Variants in OBP2B observed in about 807,000 individuals in gnomAD.
The protein encoded by OBP2B is odorant binding protein 2B, also known as odorant-binding protein 2b.
Under a neutral mutation model 21.7 loss-of-function variants are expected in OBP2B, and 10 were observed. The observed-to-expected ratio is 0.46, with a 90% CI of 0.28 to 0.78. The LOEUF (loss-of-function observed/expected upper bound fraction) is 0.78. OBP2B is among the 30% of genes least tolerant of loss of function. The probability of loss-of-function intolerance (pLI) is 0.11; values close to 1 mark genes in which losing one functional copy is unlikely to be tolerated. For missense variants in OBP2B, 153 were observed against 217.7 expected (o/e 0.70, Z 1.87); for synonymous variants, 73 against 91.5 (o/e 0.80, Z 1.16).
chr9:133,208,941 C>T (rs1352568061), intron 1 of OBP2B, among the ~76,000 whole-genome samples, 187 bp downstream of exon 1: 2 of 152,024 alleles, frequency 1.3e-5, no homozygotes, highest in Non-Finnish European at 2.9e-5. Context: ...GAGCCTGCTC[C>T]GGCCCTGGGC....
At chr9:133,210,244 C>G (rs1471637977), upstream of OBP2B, among the ~76,000 whole-genome samples, 1 of 152,174 alleles carries the variant, frequency 6.6e-6, no homozygotes, top group African/African-American at 2.4e-5. Flanking sequence ...TTCCCTGGGA[C>G]CCAAGGCTGA....
chr9:133,215,001 CTG>C, the OBP2B span, among the ~76,000 whole-genome samples: 1 of 152,154 alleles, frequency 6.6e-6, no homozygotes, highest in African/African-American at 2.4e-5. Context: ...ATGATTGTCT[CTG>C]TAGAAAATCC....
intron 4 of OBP2B, 41 bp from the exon 5 acceptor site, chr9:133,206,457 G>T (rs748048789): frequency 4.6e-5 from 74 of 1,608,738 alleles, no homozygotes; most frequent in Non-Finnish European, 5.9e-5. Flanking sequence ...TGGGGACAGC[G>T]GCACGGCCCT....
At chr9:133,217,592 A>G in the OBP2B span, among the ~76,000 whole-genome samples, 1 of 152,192 alleles carries the variant, frequency 6.6e-6, no homozygotes, top group African/African-American at 2.4e-5. Context: ...ATGGCTTCCT[A>G]TTGAGATTCA....
chr9:133,206,181 G>A (rs1322030306), intron 5 of OBP2B, 134 bp downstream of exon 5: 123 of 1,169,478 alleles, frequency 1.1e-4, no homozygotes, highest in Non-Finnish European at 1.5e-4. Context: ...AACAGGGCCC[G>A]GGAGCCCCTG....
chr9:133,223,191 GC>G, the OBP2B span, among the ~76,000 whole-genome samples: 4 of 152,216 alleles, frequency 2.6e-5, no homozygotes. This position sits in a 1 kb window ranked among gnomAD's most constrained non-coding sequence, Gnocchi z 4.4. Context: ...CGCCAGGATG[GC>G]CCCACATAAC....
At chr9:133,221,649 A>G in the OBP2B span, among the ~76,000 whole-genome samples, 1 of 152,332 alleles carries the variant, frequency 6.6e-6, no homozygotes, top group Admixed American at 6.5e-5. Context: ...AGCTTCAGTA[A>G]CAGGCAAGAC....
the OBP2B span, among the ~76,000 whole-genome samples, chr9:133,219,689 T>G: frequency 6.6e-6 from 1 of 152,154 alleles, no homozygotes; most frequent in East Asian, 1.9e-4. Context: ...GCACAGCTGC[T>G]CAGAAAAACA....
At chr9:133,221,902 T>C in the OBP2B span, among the ~76,000 whole-genome samples, 59 of 151,646 alleles carry the variant, frequency 3.9e-4, no homozygotes, top group Middle Eastern at 0.02. Flanking sequence ...CTCCCCAATC[T>C]CCCTGAACCT....
chr9:133,205,977 G>A lies in OBP2B; in HGVS notation c.491-37C>T, dbSNP rs781905190. The stretch of plus-strand genomic sequence containing the variant: ...AAGAAAAACCCAGGGATTAGAAGGC[G>A]CCCTAGACCAGGGCCCAGACCCCAT... On this transcript the variant is annotated intron_variant, in intron 5 of 6. Coordinates refer to ENST00000372034, the MANE Select transcript of OBP2B (RefSeq NM_014581.4). 30 of 1,546,210 alleles carry A rather than the reference G, an allele frequency of 1.9e-5. No individual in the cohort carries two copies. In the Middle Eastern group the frequency reaches 5.0e-4, roughly 26 times the overall value.
chr9:133,215,976 C>T, the OBP2B span, among the ~76,000 whole-genome samples: 12 of 152,234 alleles, frequency 7.9e-5, no homozygotes, highest in Non-Finnish European at 1.3e-4. Context: ...AAACTTAAAA[C>T]TATAAAAGCT....
At chr9:133,214,773 A>G in the OBP2B span, among the ~76,000 whole-genome samples, 1 of 152,380 alleles carries the variant, frequency 6.6e-6, no homozygotes, top group South Asian at 2.1e-4. Context: ...GAAAGCAAGA[A>G]AGGAAAAAAG....
At chr9:133,213,517 G>A (rs1468989881), upstream of OBP2B, among the ~76,000 whole-genome samples, 2 of 151,928 alleles carry the variant, frequency 1.3e-5, no homozygotes, top group African/African-American at 4.8e-5. Flanking sequence ...CTAGTTCTCT[G>A]GAAAAATTAA....
At chr9:133,209,425 GAC>G (rs1423869892), upstream of OBP2B, among the ~76,000 whole-genome samples, 1 of 152,132 alleles carries the variant, frequency 6.6e-6, no homozygotes, top group African/African-American at 2.4e-5. The surrounding 1 kb of genome is among the most constrained non-coding windows in gnomAD (Gnocchi z 6.0). Context: ...GAGAAGAAAA[GAC>G]ACACGATGCC....
the OBP2B span, among the ~76,000 whole-genome samples, chr9:133,221,899 A>G: frequency 1.3e-5 from 2 of 151,944 alleles, no homozygotes; most frequent in East Asian, 3.9e-4. Context: ...CCCCTCCCCA[A>G]TCTCCCTGAA....
chr9:133,216,718 G>T, the OBP2B span, among the ~76,000 whole-genome samples: 280 of 152,018 alleles, frequency 1.8e-3, no homozygotes, highest in African/African-American at 6.6e-3. Flanking sequence ...TGCAACAATG[G>T]GATGAATCTC....
chr9:133,207,793 T>A, intron 3 of OBP2B: 2 of 1,267,178 alleles, frequency 1.6e-6, no homozygotes, highest in South Asian at 1.3e-5. Context: ...AGCTTCCCCA[T>A]CCTTAACCCT....
At chr9:133,217,573 CG>C in the OBP2B span, among the ~76,000 whole-genome samples, 2 of 152,194 alleles carry the variant, frequency 1.3e-5, no homozygotes, top group Non-Finnish European at 2.9e-5. Flanking sequence ...TTCAGGGGAC[CG>C]CCCCCAGATG....
At chr9:133,216,484 T>A in the OBP2B span, among the ~76,000 whole-genome samples, 82 of 144,816 alleles carry the variant, frequency 5.7e-4, no homozygotes, top group South Asian at 1.7e-3. Context: ...TTGACAGGTT[T>A]AAAAAAAAAA....
Sources: allele counts gnomAD v4.1 joint callset (sites outside exome capture counted in the v4.1 genomes callset), GRCh38; gene constraint gnomAD v4.1.1; non-coding constraint Gnocchi (gnomAD v3.1); transcripts MANE v1.5; gene names NCBI Gene and HGNC (gene_info 2026-07-23, HGNC 2026-07-21).